PRKG1: variants seen among roughly 807,000 people sequenced by gnomAD.
PRKG1 encodes the protein cGMP-dependent protein kinase 1.
Under a neutral mutation model 88.1 loss-of-function variants are expected in PRKG1, and 35 were observed. The ratio of observed to expected loss-of-function variants is 0.40; its 90% confidence interval spans 0.30 to 0.53. The LOEUF is 0.53. PRKG1 is among the 20% of genes least tolerant of loss of function. The probability of loss-of-function intolerance (pLI) is 0.59; values close to 1 mark genes in which losing one functional copy is unlikely to be tolerated. For missense variants in PRKG1, 540 were observed against 839.8 expected, an observed-to-expected ratio of 0.64 and a Z score of 4.41; for synonymous variants, 303 against 292.5, an observed-to-expected ratio of 1.04 and a Z score of -0.37.
chr10:51,282,366 T>G (rs74133556), intron 2 of PRKG1, among the ~76,000 whole-genome samples: 9,820 of 151,958 alleles, frequency 0.065, 1,008 homozygotes, highest in African/African-American at 0.22. Context: ...TATATATATA[T>G]ATAGAGAGAG....
intron 5 of PRKG1, among the ~76,000 whole-genome samples, chr10:51,996,220 C>G (rs1036899939): frequency 7.8e-5 from 11 of 141,380 alleles, no homozygotes; most frequent in Admixed American, 7.1e-4. Flanking sequence ...GAGGCTTTGA[C>G]AGGAGAATCG....
chr10:51,783,589 T>C (rs192816858), intron 3 of PRKG1, among the ~76,000 whole-genome samples: 84 of 152,156 alleles, frequency 5.5e-4, no homozygotes, highest in African/African-American at 2.0e-3. Context: ...GCCAGACCAA[T>C]GGTTCTTAAA....
intron 3 of PRKG1, among the ~76,000 whole-genome samples, chr10:51,645,437 C>A (rs890433809): frequency 6.6e-6 from 1 of 152,104 alleles, no homozygotes; most frequent in African/African-American, 2.4e-5. Flanking sequence ...TCAATTTCTC[C>A]TGAAAATCAT....
At chr10:51,323,697 A>G (rs1841510664) in intron 2 of PRKG1, among the ~76,000 whole-genome samples, 2 of 152,232 alleles carry the variant, frequency 1.3e-5, no homozygotes, top group African/African-American at 4.8e-5. Flanking sequence ...GGCTGGACAC[A>G]GTGGCTTCCA....
chr10:51,376,868 G>A (rs1030315243), intron 2 of PRKG1, among the ~76,000 whole-genome samples: 1 of 152,010 alleles, frequency 6.6e-6, no homozygotes, highest in African/African-American at 2.4e-5. Context: ...GTGGAGAAAA[G>A]GTTTCACCAT....
intron 2 of PRKG1, among the ~76,000 whole-genome samples, chr10:51,172,195 C>T (rs1837043412): frequency 6.6e-6 from 1 of 151,912 alleles, no homozygotes; most frequent in Non-Finnish European, 1.5e-5. Context: ...TCACCTATTC[C>T]AAATTGCCTA....
intron 3 of PRKG1, among the ~76,000 whole-genome samples, chr10:51,766,544 G>A (rs543399888): frequency 6.6e-5 from 10 of 152,210 alleles, no homozygotes; most frequent in African/African-American, 2.4e-4. Flanking sequence ...TTTTCAGGCT[G>A]TTTTTTGTTT....
chr10:51,081,099 T>A (rs1844098138), intron 1 of PRKG1, among the ~76,000 whole-genome samples: 1 of 152,210 alleles, frequency 6.6e-6, no homozygotes, highest in Admixed American at 6.5e-5. Context: ...TTTCATTGCT[T>A]ATAAAATTCA....
chr10:51,556,184 C>G (rs376232804), intron 3 of PRKG1, among the ~76,000 whole-genome samples: 50 of 151,804 alleles, frequency 3.3e-4, no homozygotes, highest in African/African-American at 1.2e-3. Context: ...ATGAATAATT[C>G]CTATCATACA....
intron 8 of PRKG1, among the ~76,000 whole-genome samples, chr10:52,149,964 A>G (rs1325649413): frequency 1.3e-5 from 2 of 151,934 alleles, no homozygotes; most frequent in Non-Finnish European, 2.9e-5. Flanking sequence ...CCTGGCCAAC[A>G]TGGTGAAACC....
intron 1 of PRKG1, among the ~76,000 whole-genome samples, chr10:51,120,007 A>T (rs978981078): frequency 1.3e-5 from 2 of 152,106 alleles, no homozygotes; most frequent in African/African-American, 2.4e-5. Flanking sequence ...CCATATATCA[A>T]TGCCAATAAG....
chr10:51,459,405 T>G (rs1839681800), intron 2 of PRKG1, among the ~76,000 whole-genome samples: 1 of 152,172 alleles, frequency 6.6e-6, no homozygotes, highest in Admixed American at 6.5e-5. Context: ...TCATTTTTCC[T>G]GTATGTTTAT....
At chr10:51,466,180 G>GA (rs964400812) in intron 2 of PRKG1, among the ~76,000 whole-genome samples, 1 of 151,906 alleles carries the variant, frequency 6.6e-6, no homozygotes, top group Non-Finnish European at 1.5e-5. Flanking sequence ...GTTTGCCACT[G>GA]AAAAAAAGGA....
chr10:51,678,963 A>G (rs1840778148), intron 3 of PRKG1, among the ~76,000 whole-genome samples: 1 of 152,198 alleles, frequency 6.6e-6, no homozygotes, highest in Admixed American at 6.5e-5. Flanking sequence ...ATTCATCTGT[A>G]TGATTTTTAG....
intron 7 of PRKG1, among the ~76,000 whole-genome samples, chr10:52,113,563 C>T (rs2169679): frequency 0.39 from 59,647 of 151,850 alleles, 12,335 homozygotes; most frequent in East Asian, 0.68. Flanking sequence ...AAGAAAATAG[C>T]GCAGCAGATA....
At chr10:51,618,017 C>G (rs923108271) in intron 3 of PRKG1, among the ~76,000 whole-genome samples, 6 of 152,266 alleles carry the variant, frequency 3.9e-5, no homozygotes, top group Middle Eastern at 3.4e-3. Context: ...GAATCAATAG[C>G]CTTTTCATCC....
At chr10:51,512,121 G>T (rs1283598760) in intron 3 of PRKG1, among the ~76,000 whole-genome samples, 1 of 151,684 alleles carries the variant, frequency 6.6e-6, no homozygotes. Context: ...TTGGGAAAGA[G>T]GGTGGTGGTA....
chr10:51,840,231 G>C (rs1310840181), intron 4 of PRKG1, among the ~76,000 whole-genome samples: 1 of 151,858 alleles, frequency 6.6e-6, no homozygotes, highest in Non-Finnish European at 1.5e-5. Flanking sequence ...TTCATAATAA[G>C]GCATCTGTGG....
intron 4 of PRKG1, among the ~76,000 whole-genome samples, chr10:51,850,538 G>A (rs1396909315): frequency 6.8e-6 from 1 of 146,830 alleles, no homozygotes; most frequent in Non-Finnish European, 1.5e-5. Flanking sequence ...CATAGAAAAA[G>A]GATACCATCA....
Sources: gnomAD v4.1 joint callset for allele counts (sites outside exome capture counted in the v4.1 genomes callset) on GRCh38, gnomAD v4.1.1 for gene constraint, MANE v1.5 for transcripts, NCBI Gene and HGNC (gene_info 2026-07-23, HGNC 2026-07-21) for gene names.